DHRSX: variants seen among roughly 807,000 people sequenced by gnomAD.
DHRSX encodes dehydrogenase/reductase X-linked.
In DHRSX, 31 loss-of-function variants were observed where a neutral mutation model predicts 34.0. The observed-to-expected ratio is 0.91, with a 90% CI of 0.69 to 1.23. DHRSX has a LOEUF of 1.23. DHRSX is among the 50% of genes most tolerant of loss of function. The pLI is 0.00. For synonymous variants in DHRSX, 201 were observed against 183.8 expected, an observed-to-expected ratio of 1.09 and a Z score of -0.76; for missense variants, 414 against 428.1, an observed-to-expected ratio of 0.97 and a Z score of 0.29.
At chrX:2,322,137 C>CA (rs1569488550) in intron 3 of DHRSX, among the ~76,000 whole-genome samples, 1 of 148,992 alleles carries the variant, frequency 6.7e-6, no homozygotes, top group East Asian at 2.1e-4. Flanking sequence ...CTCTTCCCCC[C>CA]CAAGACCCCA....
chrX:2,478,272 T>A (rs953008651), intron 1 of DHRSX, among the ~76,000 whole-genome samples: 52 of 151,906 alleles, frequency 3.4e-4, no homozygotes, highest in Non-Finnish European at 6.5e-4. Flanking sequence ...GTGCCTGGGA[T>A]GGGCGGTGAC....
rs761386248 is a variant in DHRSX, at chrX:2,432,190, T to C, written c.110-6886A>G. On this transcript the variant is annotated intron_variant, in intron 1 of 6. Transcript: ENST00000334651. ...GCCAGGGCGACAGAGCCAGACTCCGTCTCAAAAAAAAAATTTTTTTTAATT... is the reference window on the plus strand; with the variant it reads ...GCCAGGGCGACAGAGCCAGACTCCGCCTCAAAAAAAAAATTTTTTTTAATT... Among the ~76,000 whole-genome samples the C allele has an allele frequency of 5.9e-5, 9 of 151,606 alleles. No individual in the cohort carries two copies. In the East Asian group the frequency reaches 7.8e-4, roughly 13 times the overall value.
intron 5 of DHRSX, among the ~76,000 whole-genome samples, chrX:2,250,898 A>G (rs1349397267): frequency 6.6e-6 from 1 of 151,890 alleles, no homozygotes; most frequent in Non-Finnish European, 1.5e-5. Context: ...GATCTTAGCA[A>G]CTGAGCAATT....
intron 3 of DHRSX, among the ~76,000 whole-genome samples, chrX:2,316,907 G>A (rs2042247270): frequency 6.6e-6 from 1 of 152,158 alleles, no homozygotes; most frequent in Admixed American, 6.6e-5. Flanking sequence ...TTGAGAATGT[G>A]CCCCAGTCCA....
At chrX:2,232,774 A>G (rs1399784901) in intron 6 of DHRSX, among the ~76,000 whole-genome samples, 1 of 151,824 alleles carries the variant, frequency 6.6e-6, no homozygotes, top group African/African-American at 2.4e-5. Context: ...GGATTTCACC[A>G]TGTTGGCCAG....
intron 3 of DHRSX, among the ~76,000 whole-genome samples, chrX:2,408,034 A>G (rs2043579075): frequency 6.6e-6 from 1 of 152,228 alleles, no homozygotes; most frequent in Admixed American, 6.5e-5. Flanking sequence ...ACAGACAGAA[A>G]GAGCACACCA....
Position 2,489,231 on chromosome X carries a change from C to T in DHRSX, c.109+11586G>A, listed in dbSNP as rs761482977. 5.6e-6 allele frequency: 9 copies of T among 1,613,844 alleles called. No homozygotes were observed. The East Asian group carries it at 6.7e-5, about 12-fold the overall frequency. On this transcript the variant is annotated intron_variant, in intron 1 of 6. Coordinates refer to ENST00000334651, the MANE Select transcript of DHRSX (RefSeq NM_145177.3). ...AGCAGGCCCTTGGCCTCTTCCACCACGCGATTCTCCACCTGCTGCCGCTCG... is the reference window on the plus strand; with the variant it reads ...AGCAGGCCCTTGGCCTCTTCCACCATGCGATTCTCCACCTGCTGCCGCTCG...
intron 3 of DHRSX, among the ~76,000 whole-genome samples, chrX:2,405,977 G>A (rs1439443590): frequency 2.6e-5 from 4 of 151,726 alleles, no homozygotes; most frequent in African/African-American, 4.8e-5. Flanking sequence ...ATGGCCAACA[G>A]GTATATGAAA....
Position 2,376,502 on chromosome X carries a change from G to A in DHRSX, c.286+32243C>T, listed in dbSNP as rs1052550128. 2.5e-4 allele frequency among the ~76,000 whole-genome samples: 34 copies of A among 137,360 alleles called. 3 individuals carry two copies. In the East Asian group the frequency reaches 2.6e-3, roughly 10 times the overall value. 90.1% of individuals were successfully genotyped at this position (137,360 alleles called of 152,430 possible). ...GATTCTGCCCCTAGCCTTGGGTGAC[G>A]TGGGTTTAACTGTGACCTCACCAAG... On this transcript the variant is annotated intron_variant, in intron 3 of 6. Transcript: ENST00000334651.
chrX:2,411,662 G>A (rs759749084), intron 2 of DHRSX, among the ~76,000 whole-genome samples: 11 of 151,900 alleles, frequency 7.2e-5, no homozygotes, highest in Admixed American at 5.3e-4. Flanking sequence ...AGTAGGCAGA[G>A]GTTGCAGTGA....
chrX:2,251,447 C>T (rs1166284012), intron 5 of DHRSX, among the ~76,000 whole-genome samples: 1 of 152,196 alleles, frequency 6.6e-6, no homozygotes, highest in Non-Finnish European at 1.5e-5. Context: ...CCACAAGTTA[C>T]TTCCTCCTTC....
At chrX:2,457,345 AGG>A (rs2044313951) in intron 1 of DHRSX, among the ~76,000 whole-genome samples, 1 of 152,034 alleles carries the variant, frequency 6.6e-6, no homozygotes, top group East Asian at 1.9e-4. Context: ...GATGTGGCCA[AGG>A]GACCACCACC....
At chrX:2,259,401 T>G (rs754144615) in intron 5 of DHRSX, among the ~76,000 whole-genome samples, 11,623 of 128,832 alleles carry the variant, frequency 0.09, 726 homozygotes, top group Non-Finnish European at 0.14. Flanking sequence ...TATAGATATA[T>G]ATATAGATAT....
rs989571548 is a variant in DHRSX at position 2,241,680 on chromosome X, G to A, written c.804+1343C>T. On this transcript the variant is annotated intron_variant, in intron 6 of 6. Coordinates refer to ENST00000334651, the MANE Select transcript of DHRSX (RefSeq NM_145177.3). ...TCCCAGCACTTTGGGAGCCCGAGGCGGGTGGATCACCTGAGGTCCAGAGTT... is the reference window on the plus strand; with the variant it reads ...TCCCAGCACTTTGGGAGCCCGAGGCAGGTGGATCACCTGAGGTCCAGAGTT... Among the ~76,000 whole-genome samples the A allele has an allele frequency of 1.1e-3, 163 of 152,232 alleles. 2 individuals are homozygous for A. Among genetic ancestry groups the A allele is most frequent in the Non-Finnish European group, 1.4e-3 (93 of 68,022 alleles).
chrX:2,347,759 C>T (rs990524774), intron 3 of DHRSX, among the ~76,000 whole-genome samples: 1 of 152,164 alleles, frequency 6.6e-6, no homozygotes, highest in Non-Finnish European at 1.5e-5. Context: ...TGTACATTTT[C>T]CCAGGCATTT....
At chrX:2,473,410 A>G (rs143388066) in intron 1 of DHRSX, among the ~76,000 whole-genome samples, 33,630 of 151,490 alleles carry the variant, frequency 0.22, 4,967 homozygotes, top group African/African-American at 0.43. Flanking sequence ...GATCACCTGA[A>G]GTCAGGAGTT....
chrX:2,325,414 G>A (rs889372131), intron 3 of DHRSX, among the ~76,000 whole-genome samples: 6 of 151,914 alleles, frequency 3.9e-5, no homozygotes, highest in East Asian at 1.9e-4. Flanking sequence ...CATTCAAAAC[G>A]GCGGCTCCAT....
intron 6 of DHRSX, among the ~76,000 whole-genome samples, chrX:2,225,068 T>G (rs755720086): frequency 1.1e-4 from 16 of 144,922 alleles, no homozygotes; most frequent in African/African-American, 3.9e-4. Flanking sequence ...CATATTCACA[T>G]GCACTCACAT....
chrX:2,275,449 C>T (rs2041614459), intron 4 of DHRSX, among the ~76,000 whole-genome samples: 1 of 151,332 alleles, frequency 6.6e-6, no homozygotes, highest in South Asian at 2.1e-4. Context: ...GCAGAGGTTG[C>T]AGTGAGCTGA....
Sources: gnomAD v4.1 joint callset for allele counts (sites outside exome capture counted in the v4.1 genomes callset) on GRCh38, gnomAD v4.1.1 for gene constraint, MANE v1.5 for transcripts, NCBI Gene and HGNC (gene_info 2026-07-23, HGNC 2026-07-21) for gene names.